The following MTUS2 variants were observed in gnomAD, a reference collection of about 807,000 sequenced individuals.
MTUS2 encodes microtubule associated scaffold protein 2.
Under a neutral mutation model 114.1 loss-of-function variants are expected in MTUS2, and 40 were observed. That is an observed-to-expected ratio of 0.35 (90% CI 0.27 to 0.46). The LOEUF is 0.46. Among genes scored for constraint, MTUS2 ranks in the 20% least tolerant of loss-of-function variants. The pLI is 1.00. For missense variants in MTUS2, 1,679 were observed against 1,705.4 expected (o/e 0.98, Z 0.27); for synonymous variants, 688 against 672.0 (o/e 1.02, Z -0.37).
chr13:28,913,551 C>A (rs574052571), intron 2 of MTUS2, among the ~76,000 whole-genome samples: 1 of 152,186 alleles, frequency 6.6e-6, no homozygotes, highest in African/African-American at 2.4e-5. Flanking sequence ...CGATATTCAT[C>A]AGGGATATTG....
chr13:29,011,961 T>C lies in MTUS2; in HGVS notation c.-242-12496T>C, dbSNP rs1178420060. On this transcript the variant is annotated intron_variant, in intron 2 of 15. Transcript: ENST00000612955. ...AATTCACCTTCAGGATAAAAAGGAA[T>C]TTGAAGGAGCCCTGTGTAAAGTGAC... 2.6e-5 allele frequency among the ~76,000 whole-genome samples: 4 copies of C among 152,298 alleles called. No homozygotes were observed. The South Asian group carries it at 8.3e-4, about 32-fold the overall frequency.
intron 8 of MTUS2, among the ~76,000 whole-genome samples, chr13:29,399,202 A>G (rs1254009429): frequency 6.6e-6 from 1 of 152,218 alleles, no homozygotes; most frequent in Non-Finnish European, 1.5e-5. Flanking sequence ...GTAAACTGTC[A>G]TGGCTCTGGT....
chr13:28,997,993 C>T (rs1471088382), intron 2 of MTUS2, among the ~76,000 whole-genome samples: 1 of 152,136 alleles, frequency 6.6e-6, no homozygotes, highest in Non-Finnish European at 1.5e-5. Context: ...CTTTGATATT[C>T]TTTACAATTT....
intron 5 of MTUS2, among the ~76,000 whole-genome samples, chr13:29,137,126 A>C (rs1267089817): frequency 1.3e-5 from 2 of 152,346 alleles, no homozygotes; most frequent in Non-Finnish European, 2.9e-5. Flanking sequence ...CATCCTTATA[A>C]GAACTCTTGG....
chr13:29,002,423 A>G (rs1885425539), intron 2 of MTUS2, among the ~76,000 whole-genome samples: 1 of 152,208 alleles, frequency 6.6e-6, no homozygotes, highest in Admixed American at 6.5e-5. Flanking sequence ...CATATATACT[A>G]TATACTATAT....
At chr13:29,199,401 G>C (rs577808662) in intron 5 of MTUS2, among the ~76,000 whole-genome samples, 11 of 152,144 alleles carry the variant, frequency 7.2e-5, no homozygotes, top group Admixed American at 1.3e-4. Flanking sequence ...TAGCATGAAG[G>C]GCTGTTGAAT....
chr13:29,152,151 A>G (rs1423115561), intron 5 of MTUS2, among the ~76,000 whole-genome samples: 4 of 152,228 alleles, frequency 2.6e-5, no homozygotes, highest in East Asian at 3.9e-4. Flanking sequence ...AATTCACACT[A>G]TACCCAAATT....
At chr13:29,452,528 C>A (rs2138743844) in intron 9 of MTUS2, among the ~76,000 whole-genome samples, 1 of 150,450 alleles carries the variant, frequency 6.6e-6, no homozygotes, top group Non-Finnish European at 1.5e-5. Flanking sequence ...GTAGCTGGGA[C>A]TACAGGTGTA....
At chr13:28,918,544 CTG>C (rs1487806832) in intron 2 of MTUS2, among the ~76,000 whole-genome samples, 2 of 151,806 alleles carry the variant, frequency 1.3e-5, no homozygotes, top group Non-Finnish European at 2.9e-5. Context: ...TATTTTCACT[CTG>C]TGTGCATCTT....
At chr13:29,207,233 C>T (rs755400759) in intron 5 of MTUS2, among the ~76,000 whole-genome samples, 8 of 152,044 alleles carry the variant, frequency 5.3e-5, no homozygotes, top group Non-Finnish European at 1.0e-4. Context: ...AGCTTGGTTG[C>T]TGTTGGTGTA....
chr13:28,935,847 C>T (rs1566235167), intron 2 of MTUS2, among the ~76,000 whole-genome samples: 1 of 152,036 alleles, frequency 6.6e-6, no homozygotes, highest in Non-Finnish European at 1.5e-5. Flanking sequence ...CTCCTGGGCT[C>T]ATGATCCTCT....
At chr13:29,114,097 C>G (rs887390998) in intron 5 of MTUS2, among the ~76,000 whole-genome samples, 1 of 152,082 alleles carries the variant, frequency 6.6e-6, no homozygotes, top group Non-Finnish European at 1.5e-5. Context: ...GAGGCCCTCC[C>G]TAGAAGCAGA....
intron 1 of MTUS2, among the ~76,000 whole-genome samples, chr13:28,823,153 A>G (rs549615034): frequency 1.4e-4 from 22 of 152,368 alleles, no homozygotes; most frequent in Non-Finnish European, 2.4e-4. Flanking sequence ...TAAAATGTTA[A>G]TAGGAACAGA....
intron 1 of MTUS2, among the ~76,000 whole-genome samples, chr13:28,833,527 T>G (rs1014024835): frequency 4.6e-5 from 7 of 151,962 alleles, no homozygotes; most frequent in Admixed American, 4.6e-4. Flanking sequence ...CACTTCATGA[T>G]AAAAATACAA....
chr13:29,469,626 CAAA>C (rs768631653), intron 9 of MTUS2, among the ~76,000 whole-genome samples: 1 of 117,792 alleles, frequency 8.5e-6, no homozygotes, highest in Non-Finnish European at 1.7e-5. Flanking sequence ...GACTATGTCT[CAAA>C]AAAAAAAAAA....
intron 7 of MTUS2, among the ~76,000 whole-genome samples, chr13:29,341,141 A>T (rs1901372497): frequency 6.6e-6 from 1 of 152,178 alleles, no homozygotes; most frequent in Admixed American, 6.5e-5. Context: ...TGTAAAATGA[A>T]TTCTTTTCCT....
At chr13:29,109,121 G>A (rs1890783754) in intron 5 of MTUS2, among the ~76,000 whole-genome samples, 1 of 152,048 alleles carries the variant, frequency 6.6e-6, no homozygotes, top group Non-Finnish European at 1.5e-5. Context: ...TACATTTAGT[G>A]GTCCCTAGAA....
intron 8 of MTUS2, among the ~76,000 whole-genome samples, chr13:29,368,221 A>G (rs1870900387): frequency 6.6e-6 from 1 of 151,128 alleles, no homozygotes; most frequent in East Asian, 2.0e-4. Context: ...TATGGGCGTG[A>G]GCCACTGCAC....
intron 8 of MTUS2, among the ~76,000 whole-genome samples, chr13:29,386,860 G>C (rs1022561248): frequency 1.3e-5 from 2 of 152,286 alleles, no homozygotes; most frequent in East Asian, 1.9e-4. Context: ...GTTGGGAGCA[G>C]ACTACAGATC....
Sources: gnomAD v4.1 joint callset for allele counts (sites outside exome capture counted in the v4.1 genomes callset) on GRCh38, gnomAD v4.1.1 for gene constraint, MANE v1.5 for transcripts, NCBI Gene and HGNC (gene_info 2026-07-23, HGNC 2026-07-21) for gene names.